CTSW: variants seen among roughly 807,000 people sequenced by gnomAD.
The protein encoded by CTSW is lymphopain.
Under a neutral mutation model 43.8 loss-of-function variants are expected in CTSW, and 42 were observed. The observed-to-expected ratio is 0.96, with a 90% CI of 0.75 to 1.24. The LOEUF (loss-of-function observed/expected upper bound fraction) is 1.24. Among genes scored for constraint, CTSW ranks in the 50% most tolerant of loss-of-function variants. The pLI is 0.00. For missense variants in CTSW, 475 were observed against 479.9 expected, an observed-to-expected ratio of 0.99 and a Z score of 0.09; for synonymous variants, 191 against 184.8, an observed-to-expected ratio of 1.03 and a Z score of -0.27.
At chr11:65,881,614 T>G in intron 3 of CTSW, 94 bp downstream of exon 3, 1 of 796,602 alleles carries the variant, frequency 1.3e-6, no homozygotes. Flanking sequence ...CAATTTTTAC[T>G]TCCCAGGGAA....
In CTSW at chr11:65,883,739, C is replaced by G. The variant is rs1860152722; in HGVS notation, c.*121C>G. 3.2e-6 allele frequency: 3 copies of G among 926,672 alleles called. No homozygotes were observed. Among genetic ancestry groups the G allele is most frequent in the South Asian group, 2.9e-5 (2 of 68,834 alleles). The allele number at this position is 926,672 out of a possible 1,614,324, so 57.4% of individuals were successfully genotyped here. A position where few individuals can be genotyped will look rare whatever the true frequency, so the allele number is the denominator to read the frequency against. Reference sequence around the variant, plus strand: ...GCCTGAATAAACCAAGACAAGACCTCTGGCTTGTGAGCAGACTCTTCTGGT... The same window carrying G: ...GCCTGAATAAACCAAGACAAGACCTGTGGCTTGTGAGCAGACTCTTCTGGT... On this transcript the variant is annotated 3_prime_UTR_variant, in exon 10 of 10. Transcript: ENST00000307886.
chr11:65,882,273 C>T lies in CTSW; in HGVS notation c.385C>T (p.Pro129Ser), dbSNP rs1264337632. 1 of 1,614,180 alleles carries T rather than the reference C, an allele frequency of 6.2e-7. No individual in the cohort carries two copies. Among genetic ancestry groups the T allele is most frequent in the Admixed American group, 1.7e-5 (1 of 60,020 alleles). The change falls in exon 4 of 10, where the codon CCT (proline) becomes TCT (serine). Residue 129 changes from proline (P) to serine (S), a missense_variant. Coordinates refer to ENST00000307886, the MANE Select transcript of CTSW (RefSeq NM_001335.4). ...IRSEEPEESV[P>S]FSCDWRKVAS... ...GTCTGAAGAGCCAGAGGAGTCAGTA[C>T]CTTTCAGCTGTGACTGGCGGAAGGT...
Position 65,883,049 on chromosome 11 carries a change from G to A in CTSW, c.746-20G>A. ...CCACACACCCACATGCCAAGGGTCT[G>A]ATGATGTTCCTGTCCCCAGGAATTG... On this transcript the variant is annotated intron_variant, in intron 7 of 9. Transcript: ENST00000307886. The A allele has an allele frequency of 1.9e-6, 3 of 1,614,058 alleles. No individual in the cohort carries two copies. The highest frequency in any genetic ancestry group is 2.5e-6 in the Non-Finnish European group (3 of 1,180,004).
At position 65,882,704 on chromosome 11, in the gene CTSW, C is replaced by T. The variant is rs201461378; in HGVS notation, c.619+15C>T. On this transcript the variant is annotated intron_variant, in intron 6 of 9. Transcript: ENST00000307886. ...CCTCAACAACAGTGAGTGCACTGCC[C>T]CGCCACTCTGGACATCTGCAGGGGG... 32 of 1,614,044 alleles carry T rather than the reference C, an allele frequency of 2.0e-5. No homozygotes were observed. Among genetic ancestry groups the T allele is most frequent in the Non-Finnish European group, 2.7e-5 (32 of 1,180,042 alleles).
intron 2 of CTSW, among the ~76,000 whole-genome samples, chr11:65,881,067 C>T (rs568550987): frequency 6.6e-6 from 1 of 152,318 alleles, no homozygotes; most frequent in South Asian, 2.1e-4. Context: ...TGCCATGTTC[C>T]AGCTCTCCTC....
Position 65,881,494 on chromosome 11 carries a change from G to A in CTSW, c.260G>A (p.Gly87Glu). Residue 87 changes from glycine (G) to glutamate (E), a missense_variant, in exon 3 of 10, where the codon GGG (glycine) becomes GAG (glutamate). Transcript: ENST00000307886. ...GAGGACTTGGGCACAGCTGAGTTTGGGGTGACTCCATTCAGTGACCTCACA... is the reference window on the plus strand; with the variant it reads ...GAGGACTTGGGCACAGCTGAGTTTGAGGTGACTCCATTCAGTGACCTCACA... ...QEEDLGTAEF[G>E]VTPFSDLTEE... is the part of the protein sequence containing the mutation. 6.2e-7 allele frequency: 1 copy of A among 1,610,052 alleles called. No homozygotes were observed.
In CTSW at chr11:65,883,417, G is replaced by C; in HGVS notation, c.1013G>C (p.Gly338Ala). ...AAGAACTCCTGGGGGGCCCAATGGGGAGAGAAGGTGAGTGTGATCTATTGG... is the reference window on the plus strand; with the variant it reads ...AAGAACTCCTGGGGGGCCCAATGGGCAGAGAAGGTGAGTGTGATCTATTGG... ...ILKNSWGAQW[G>A]EKGYFRLHRG... The change falls in exon 9 of 10, where the codon GGA becomes GCA. Residue 338 changes from glycine to alanine, a missense_variant. Coordinates refer to ENST00000307886, the MANE Select transcript of CTSW (RefSeq NM_001335.4). 6.2e-7 allele frequency: 1 copy of C among 1,614,094 alleles called. No homozygotes were observed. Among genetic ancestry groups the C allele is most frequent in the Non-Finnish European group, 8.5e-7 (1 of 1,179,992 alleles).
intron 3 of CTSW, among the ~76,000 whole-genome samples, chr11:65,881,918 G>C (rs1860110680): frequency 1.3e-5 from 2 of 152,168 alleles, no homozygotes; most frequent in Admixed American, 6.5e-5. Flanking sequence ...TAAGTAGCTG[G>C]GGCTACAAGC....
chr11:65,883,097 C>T lies in CTSW; in HGVS notation c.774C>T (p.Gly258=), dbSNP rs779737322. 1.1e-5 allele frequency: 17 copies of T among 1,614,110 alleles called. No homozygotes were observed. The highest frequency in any genetic ancestry group is 1.6e-4 in the Middle Eastern group (1 of 6,062). ...HRIAQYLATY[G]PITVTINMKP... ...TTGCGCAGTACCTGGCCACTTATGG[C>T]CCCATCACCGTGACCATCAACATGA... Residue 258 remains glycine, a synonymous_variant, in exon 8 of 10, where the codon GGC becomes GGT. Transcript: ENST00000307886.
chr11:65,883,616 T>A lies in CTSW; in HGVS notation c.1129T>A (p.Ter377ArgextTer11). 2 of 1,613,070 alleles carry A rather than the reference T, an allele frequency of 1.2e-6. No individual in the cohort carries two copies. Among genetic ancestry groups the A allele is most frequent in the South Asian group, 2.2e-5 (2 of 91,066 alleles). ...GAAGCCCCGAGTCTCCTGCCCTCCC[T>A]GAACCCACCTGGCCCCCTCAGCTCT... ...DMKPRVSCPP[*>R] Residue 377 changes from the stop codon to arginine, a stop_lost, in exon 10 of 10, where the codon TGA (stop) becomes AGA (arginine). Transcript: ENST00000307886.
chr11:65,880,508 A>T (rs1248322138), intron 2 of CTSW: 3 of 406,678 alleles, frequency 7.4e-6, no homozygotes, highest in African/African-American at 6.3e-5. Context: ...TTTAGTAGAG[A>T]TGGGGTTTGA....
Position 65,883,533 on chromosome 11 carries a change from G to A in CTSW, c.1046G>A (p.Ser349Asn). 3.1e-6 allele frequency: 5 copies of A among 1,614,056 alleles called. No homozygotes were observed. The highest frequency in any genetic ancestry group is 4.2e-6 in the Non-Finnish European group (5 of 1,179,944). ...GGCTATTTCCGGCTGCACCGAGGGA[G>A]CAATACCTGTGGCATCACCAAGTTC... ...EKGYFRLHRGSNTCGITKFPL... is the reference protein window; with the variant it reads ...EKGYFRLHRGNNTCGITKFPL... Residue 349 changes from serine (S) to asparagine (N), a missense_variant, in exon 10 of 10, where the codon AGC becomes AAC. Transcript: ENST00000307886.
At chr11:65,881,596 C>T (rs149533529) in intron 3 of CTSW, 76 bp downstream of exon 3, 9 of 983,586 alleles carry the variant, frequency 9.2e-6, no homozygotes, top group African/African-American at 1.6e-5. Flanking sequence ...CTGGACCCAG[C>T]GGACCTTCAA....
chr11:65,881,720 C>G (rs1182665254), intron 3 of CTSW, among the ~76,000 whole-genome samples, 200 bp downstream of exon 3: 5 of 152,318 alleles, frequency 3.3e-5, no homozygotes, highest in Admixed American at 1.3e-4. Context: ...CCTAATCCAG[C>G]CTAGGGGCCA....
Position 65,882,173 on chromosome 11 carries a change from AGAG to A in CTSW, c.292_294del (p.Glu98del), listed in dbSNP as rs571599261. ...ACCTCAGTGGCCCTGTCTGTTCCCC[AGAG>A]GAGGAGTTTGGCCAGCTCTATGGCT... is the stretch of plus-strand genomic sequence containing the variant. On this transcript the variant is annotated splice_acceptor_variant and coding_sequence_variant, in exon 4 of 10. Transcript: ENST00000307886. LOFTEE classifies it high-confidence loss of function. The A allele has an allele frequency of 8.0e-5, 129 of 1,614,040 alleles. No individual in the cohort carries two copies. In the African/African-American group the frequency reaches 1.4e-3, roughly 17 times the overall value.
chr11:65,881,327 T>G (rs1050311572), intron 2 of CTSW, 80 bp from the exon 3 acceptor site: 15 of 934,266 alleles, frequency 1.6e-5, no homozygotes, highest in Non-Finnish European at 2.4e-5. Flanking sequence ...TGGGTGTGGG[T>G]GGAAGGGTGC....
rs1248833216 is a variant in CTSW, at chr11:65,883,404, G to C, written c.1000G>C (p.Gly334Arg). The C allele has an allele frequency of 6.2e-7, 1 of 1,614,096 alleles. No individual in the cohort carries two copies. The highest frequency in any genetic ancestry group is 8.5e-7 in the Non-Finnish European group (1 of 1,179,996). ...ATACTGGATCCTGAAGAACTCCTGG[G>C]GGGCCCAATGGGGAGAGAAGGTGAG... Reference protein sequence around the residue: ...TPYWILKNSWGAQWGEKGYFR... With the variant: ...TPYWILKNSWRAQWGEKGYFR... The change falls in exon 9 of 10, where the codon GGG becomes CGG. Residue 334 changes from glycine to arginine, a missense_variant. Physicochemically the swap from Gly to Arg is moderately radical, Grantham distance 125 (BLOSUM62 -2). Transcript: ENST00000307886.
chr11:65,881,339 C>A, intron 2 of CTSW, 68 bp from the exon 3 acceptor site: 2 of 1,131,220 alleles, frequency 1.8e-6, no homozygotes, highest in Non-Finnish European at 2.5e-6. Flanking sequence ...GAAGGGTGCC[C>A]AGCCAGCGGC....
Position 65,882,526 on chromosome 11 carries a change from G to A in CTSW, c.538G>A (p.Glu180Lys), listed in dbSNP as rs143577070. Residue 180 changes from glutamate (E) to lysine (K), a missense_variant and splice_region_variant, in exon 5 of 10, where the codon GAA (glutamate) becomes AAA (lysine). Physicochemically the swap from Glu to Lys is moderately conservative, Grantham distance 56. Transcript: ENST00000307886. ...FWDFVDVSVQ[E>K]LLDCGRCGDG... Reference sequence around the variant, plus strand: ...GGATTTTGTGGATGTCTCCGTGCAGGGTAGGGTTGGGAGAGGGTGCGCGTG... The same window carrying A: ...GGATTTTGTGGATGTCTCCGTGCAGAGTAGGGTTGGGAGAGGGTGCGCGTG... 8.1e-6 allele frequency: 13 copies of A among 1,614,038 alleles called. No homozygotes were observed. The African/African-American group carries it at 1.6e-4, about 20-fold the overall frequency.
Sources: gnomAD v4.1 joint callset for allele counts (sites outside exome capture counted in the v4.1 genomes callset) on GRCh38, gnomAD v4.1.1 for gene constraint, MANE v1.5 for transcripts, NCBI Gene and HGNC (gene_info 2026-07-23, HGNC 2026-07-21) for gene names.